PLB1: variants seen among roughly 807,000 people sequenced by gnomAD.
The protein encoded by PLB1 is phospholipase B1.
PLB1 carries 242 observed loss-of-function variants against 227.4 expected under a neutral mutation model. The ratio of observed to expected loss-of-function variants is 1.06; its 90% CI spans 0.96 to 1.18. The LOEUF (loss-of-function observed/expected upper bound fraction) is 1.18. Among genes scored for constraint, PLB1 ranks in the 50% most tolerant of loss-of-function variants. The pLI is 0.00. For missense variants in PLB1, 1,858 were observed against 1,816.3 expected (o/e 1.02, Z -0.42); for synonymous variants, 757 against 682.2 (o/e 1.11, Z -1.71).
chr2:28,562,540 C>CAAAAAAAAAAAAAAAAAAAAAAAA lies in PLB1; in HGVS notation c.1148-482_1148-481insAAAAAAAAAAAAAAAAAAAAAAAA, dbSNP rs60393903. On this transcript the variant is annotated intron_variant, in intron 17 of 57. Coordinates refer to ENST00000327757, the MANE Select transcript of PLB1 (RefSeq NM_153021.5). ...CTGGAGACAGAGCAAGACTCTGTCT[C>CAAAAAAAAAAAAAAAAAAAAAAAA]AAAAAAAAAAAAAAAAAAAGTCAGT... is the stretch of plus-strand genomic sequence containing the variant. 4.7e-4 allele frequency among the ~76,000 whole-genome samples: 20 copies of CAAAAAAAAAAAAAAAAAAAAAAAA among 42,596 alleles called. 3 individuals are homozygous for CAAAAAAAAAAAAAAAAAAAAAAAA. Among genetic ancestry groups the CAAAAAAAAAAAAAAAAAAAAAAAA allele is most frequent in the Admixed American group, 7.1e-4 (2 of 2,828 alleles). 27.9% of individuals were successfully genotyped at this position (42,596 alleles called of 152,430 possible). A position where few individuals can be genotyped will look rare whatever the true frequency, so the allele number is the denominator to read the frequency against.
At chr2:28,598,855 G>C in intron 35 of PLB1, 95 bp downstream of exon 35, 2 of 1,098,856 alleles carry the variant, frequency 1.8e-6, no homozygotes, top group Non-Finnish European at 2.8e-6. Flanking sequence ...ATGTGCAAAG[G>C]GGCACTTAGC....
chr2:28,636,274 G>A (rs56209428), intron 56 of PLB1, among the ~76,000 whole-genome samples: 46,674 of 152,034 alleles, frequency 0.31, 7,563 homozygotes, highest in Non-Finnish European at 0.37. Flanking sequence ...GGCCAGGCCA[G>A]GCTGGTCTTT....
chr2:28,561,279 G>A (rs1558763659), intron 17 of PLB1, among the ~76,000 whole-genome samples: 1 of 151,750 alleles, frequency 6.6e-6, no homozygotes, highest in Non-Finnish European at 1.5e-5. Context: ...TGTTTGTCCT[G>A]TGAGTTAATA....
At chr2:28,505,262 T>C (rs1458687440) in intron 1 of PLB1, among the ~76,000 whole-genome samples, 1 of 152,220 alleles carries the variant, frequency 6.6e-6, no homozygotes, top group Non-Finnish European at 1.5e-5. Context: ...CACCTTTCGC[T>C]ACCTTACAGT....
chr2:28,549,889 C>A, intron 15 of PLB1, 121 bp from the exon 16 acceptor site: 1 of 725,858 alleles, frequency 1.4e-6, no homozygotes, highest in Non-Finnish European at 2.3e-6. Context: ...GTTTGGTCCT[C>A]ACTGGAAGCG....
intron 5 of PLB1, among the ~76,000 whole-genome samples, 197 bp from the exon 6 acceptor site, chr2:28,525,708 C>T (rs1251114096): frequency 2.0e-5 from 3 of 152,076 alleles, no homozygotes; most frequent in Non-Finnish European, 2.9e-5. Context: ...GGAGGAGGGT[C>T]CAGAGAGAGC....
chr2:28,543,931 G>T (rs1672858132), intron 14 of PLB1, among the ~76,000 whole-genome samples: 4 of 152,260 alleles, frequency 2.6e-5, no homozygotes, highest in Admixed American at 2.6e-4. Flanking sequence ...ATGGAATGTG[G>T]CGTCGACGTC....
intron 14 of PLB1, among the ~76,000 whole-genome samples, chr2:28,543,545 A>G (rs1672802593): frequency 6.6e-6 from 1 of 152,216 alleles, no homozygotes; most frequent in Non-Finnish European, 1.5e-5. Context: ...CGTTTCTCAG[A>G]GTCTGTGTGG....
chr2:28,594,340 C>A (rs1303614516), intron 33 of PLB1: 12 of 210,756 alleles, frequency 5.7e-5, no homozygotes, highest in Non-Finnish European at 1.1e-4. Flanking sequence ...GTGTGTCAGG[C>A]GAGCGGTTGC....
chr2:28,614,076 C>T lies in PLB1; in HGVS notation c.3175C>T (p.Pro1059Ser), dbSNP rs749828430. 1 of 1,613,066 alleles carries T rather than the reference C, an allele frequency of 6.2e-7. No individual in the cohort carries two copies. Residue 1059 changes from proline to serine, a missense_variant, in exon 44 of 58, where the codon CCC becomes TCC. Pro to Ser is a moderately conservative substitution (Grantham distance 74). Transcript: ENST00000327757. Reference protein sequence around the residue: ...RTPRNSNYTYPIKPAIENWGS... With the variant: ...RTPRNSNYTYSIKPAIENWGS... ...CCCTCGGAATAGTAACTACACGTAC[C>T]CCATCAAGCCAGCCATTGAGGTAAC...
chr2:28,618,471 C>G, intron 46 of PLB1, 72 bp downstream of exon 46: 1 of 1,483,942 alleles, frequency 6.7e-7, no homozygotes, highest in African/African-American at 1.4e-5. Context: ...TCTGTGCTTC[C>G]CCAGCATTGG....
rs373308251 is a variant in PLB1 at position 28,541,882 on chromosome 2, C to T, written c.879+71C>T. The T allele has an allele frequency of 9.0e-5, 118 of 1,308,440 alleles. No individual in the cohort carries two copies. In the East Asian group the frequency reaches 1.8e-3, roughly 20 times the overall value. The allele number at this position is 1,308,440 out of a possible 1,614,324, so 81.1% of individuals were successfully genotyped here. A position where few individuals can be genotyped will look rare whatever the true frequency, so the allele number is the denominator to read the frequency against. The stretch of plus-strand genomic sequence containing the variant: ...GCATGGTGGCTCACTCCTGTAATCC[C>T]AGCACTTTGGGAGGCCGAGGTGGGT... On this transcript the variant is annotated intron_variant, in intron 13 of 57. Coordinates refer to ENST00000327757, the MANE Select transcript of PLB1 (RefSeq NM_153021.5).
At chr2:28,561,450 A>T (rs1355215041) in intron 17 of PLB1, among the ~76,000 whole-genome samples, 1 of 152,260 alleles carries the variant, frequency 6.6e-6, no homozygotes, top group Non-Finnish European at 1.5e-5. Context: ...GAAAACAGGC[A>T]TTCAAACAAA....
At chr2:28,542,048 G>A (rs924516980) in intron 13 of PLB1, among the ~76,000 whole-genome samples, 21 of 151,708 alleles carry the variant, frequency 1.4e-4, no homozygotes, top group African/African-American at 4.6e-4. Flanking sequence ...CATGAGAATC[G>A]CTTGAACCTG....
intron 57 of PLB1, among the ~76,000 whole-genome samples, chr2:28,641,229 C>A (rs773698258): frequency 2.6e-5 from 4 of 152,194 alleles, no homozygotes; most frequent in Non-Finnish European, 5.9e-5. Flanking sequence ...GAAGGGAGGA[C>A]AGTCGCTCAG....
intron 34 of PLB1, 34 bp from the exon 35 acceptor site, chr2:28,598,618 G>C: frequency 6.5e-7 from 1 of 1,545,296 alleles, no homozygotes; most frequent in Non-Finnish European, 9.0e-7. Context: ...TTTCTGTTCT[G>C]AGCCGTCTGC....
chr2:28,591,291 C>A, intron 30 of PLB1, 120 bp downstream of exon 30: 1 of 1,250,178 alleles, frequency 8.0e-7, no homozygotes, highest in South Asian at 1.2e-5. Context: ...GGCATAAAGG[C>A]CACCCACCTG....
At chr2:28,567,675 T>C (rs1187764844) in intron 20 of PLB1, among the ~76,000 whole-genome samples, 2 of 152,192 alleles carry the variant, frequency 1.3e-5, no homozygotes, top group East Asian at 3.9e-4. Context: ...GGTTTCACCA[T>C]GTTGGCCAGG....
chr2:28,587,354 G>A (rs976041118), intron 26 of PLB1, among the ~76,000 whole-genome samples: 2 of 152,204 alleles, frequency 1.3e-5, no homozygotes, highest in African/African-American at 4.8e-5. Context: ...GGTGACTCAC[G>A]CCTATAATCC....
Sources: gnomAD v4.1 joint callset for allele counts (sites outside exome capture counted in the v4.1 genomes callset) on GRCh38, gnomAD v4.1.1 for gene constraint, MANE v1.5 for transcripts, NCBI Gene and HGNC (gene_info 2026-07-23, HGNC 2026-07-21) for gene names.